The following FRG1 variants were observed in gnomAD, a reference collection of about 807,000 sequenced individuals.
FRG1 encodes the protein protein FRG1.
A neutral mutation model predicts 37.0 loss-of-function variants in FRG1; 19 were observed. The ratio of observed to expected loss-of-function variants is 0.51; its 90% confidence interval spans 0.36 to 0.75. The LOEUF (loss-of-function observed/expected upper bound fraction) is 0.75, where lower values mean the gene tolerates loss of function less well. Among genes scored for constraint, FRG1 ranks in the 30% least tolerant of loss-of-function variants. FRG1 has a pLI of 0.00. For synonymous variants in FRG1, 73 were observed against 96.5 expected (o/e 0.76, Z 1.43); for missense variants, 243 against 301.4 (o/e 0.81, Z 1.44).
intron 5 of FRG1, among the ~76,000 whole-genome samples, chr4:189,955,605 C>T (rs1281845905): frequency 2.0e-5 from 3 of 151,984 alleles, no homozygotes; most frequent in Non-Finnish European, 2.9e-5. Context: ...ACTTTCAGTT[C>T]ATAAGCTTAA....
chr4:189,948,817 A>G (rs79105638), intron 2 of FRG1, among the ~76,000 whole-genome samples: 904 of 109,686 alleles, frequency 8.2e-3, no homozygotes, highest in South Asian at 0.013. Context: ...CCGACTCCCG[A>G]GTAGCTGGGA....
chr4:189,952,961 C>G (rs1338317019), intron 3 of FRG1, 107 bp from the exon 4 acceptor site: 4 of 1,436,740 alleles, frequency 2.8e-6, no homozygotes, highest in African/African-American at 1.4e-5. Context: ...TCTGAATATT[C>G]TTACATTTAA....
chr4:189,942,091 A>G (rs1736334700), intron 1 of FRG1: 2 of 181,914 alleles, frequency 1.1e-5, no homozygotes, highest in Non-Finnish European at 2.4e-5. Context: ...TATAATGAAA[A>G]TGCAGACACG....
intron 2 of FRG1, among the ~76,000 whole-genome samples, chr4:189,951,840 A>G (rs868800255): frequency 2.6e-5 from 4 of 152,214 alleles, no homozygotes; most frequent in Middle Eastern, 3.4e-3. Context: ...GTATGTTGCT[A>G]TTTTATGTTT....
chr4:189,944,379 T>C (rs1277319929), intron 2 of FRG1, among the ~76,000 whole-genome samples: 2 of 152,162 alleles, frequency 1.3e-5, no homozygotes, highest in Non-Finnish European at 2.9e-5. Flanking sequence ...GGTTTCACCA[T>C]GTTAGCCAGG....
Position 189,957,568 on chromosome 4 carries a change from T to C in FRG1, c.537+66T>C, listed in dbSNP as rs1255272772. 28 of 1,356,590 alleles carry C rather than the reference T, an allele frequency of 2.1e-5. 1 individual carries two copies. In the Admixed American group the frequency reaches 5.4e-4, roughly 26 times the overall value. 84.0% of individuals were successfully genotyped at this position (1,356,590 alleles called of 1,614,324 possible). A position where few individuals can be genotyped will look rare whatever the true frequency, so the allele number is the denominator to read the frequency against. ...GCGATGTGACTGTATCTCTTTAAAA[T>C]GTTAAATGGTCATTTACTGTCACTT... On this transcript the variant is annotated intron_variant, in intron 6 of 8. Coordinates refer to ENST00000226798, the MANE Select transcript of FRG1 (RefSeq NM_004477.3).
Position 189,943,244 on chromosome 4 carries a change from A to C in FRG1, c.105A>C (p.Glu35Asp). The C allele has an allele frequency of 6.2e-7, 1 of 1,609,254 alleles. No individual in the cohort carries two copies. Among genetic ancestry groups the C allele is most frequent in the East Asian group, 2.2e-5 (1 of 44,728 alleles). The change falls in exon 2 of 9, where the codon GAA becomes GAC. Residue 35 changes from glutamate (E) to aspartate (D), a missense_variant. Glu to Asp is a conservative substitution (Grantham distance 45). Around this residue, in one of 2 missense-constraint regions of FRG1, gnomAD observed 110 missense variants for 102.2 expected, o/e 1.08. Coordinates refer to ENST00000226798, the MANE Select transcript of FRG1 (RefSeq NM_004477.3). ...KSKDKKRKREEDEETQLDIVG... is the reference protein window; with the variant it reads ...KSKDKKRKREDDEETQLDIVG... Reference sequence around the variant, plus strand: ...AAGATAAGAAAAGAAAAAGAGAAGAAGATGAAGAAACCCAGCTTGATATTG... The same window carrying C: ...AAGATAAGAAAAGAAAAAGAGAAGACGATGAAGAAACCCAGCTTGATATTG...
intron 7 of FRG1, 143 bp from the exon 8 acceptor site, chr4:189,961,679 A>T: frequency 2.0e-6 from 1 of 506,798 alleles, no homozygotes; most frequent in Non-Finnish European, 3.5e-6. Flanking sequence ...AAGTGCTGGG[A>T]TTGCAGGCAT....
Position 189,940,973 on chromosome 4 carries a change from C to T in FRG1, c.-37C>T. 6.3e-7 allele frequency: 1 copy of T among 1,577,642 alleles called. No homozygotes were observed. The highest frequency in any genetic ancestry group is 8.7e-7 in the Non-Finnish European group (1 of 1,149,096). On this transcript the variant is annotated 5_prime_UTR_variant, in exon 1 of 9. Coordinates refer to ENST00000226798, the MANE Select transcript of FRG1 (RefSeq NM_004477.3). ...CCCGACTCACATACTCGTCCAGAAC[C>T]GGCCTCAGCCTCTCCGCGCAGAAGT...
chr4:189,943,125 T>A, intron 1 of FRG1, 77 bp from the exon 2 acceptor site: 1 of 1,432,300 alleles, frequency 7.0e-7, no homozygotes, highest in Non-Finnish European at 9.4e-7. Context: ...CTTAAAAGAC[T>A]TTCAAGTTTC....
chr4:189,960,624 T>C (rs1737189284), intron 6 of FRG1, 124 bp from the exon 7 acceptor site: 3 of 1,059,578 alleles, frequency 2.8e-6, no homozygotes, highest in Non-Finnish European at 4.0e-6. Context: ...TTTCTGAATA[T>C]AGTTGCTCAG....
At chr4:189,952,032 A>G in intron 2 of FRG1, 130 bp from the exon 3 acceptor site, 2 of 619,676 alleles carry the variant, frequency 3.2e-6, no homozygotes, top group South Asian at 2.4e-5. Context: ...AGTAAAGAAT[A>G]TGTGAGATCT....
At position 189,963,097 on chromosome 4, in the gene FRG1, G is replaced by A. The variant is rs376845372; in HGVS notation, c.745G>A (p.Ala249Thr). The A allele has an allele frequency of 3.7e-6, 6 of 1,610,202 alleles. No individual in the cohort carries two copies. The East Asian group carries it at 1.3e-4, about 36-fold the overall frequency. ...FLHETLLDRR[A>T]KLKADRYCK The stretch of plus-strand genomic sequence containing the variant: ...TATTTTTCTTTGTTTAAACAGGAGA[G>A]CCAAATTGAAAGCCGACAGATACTG... Residue 249 changes from alanine (A) to threonine (T), a missense_variant, in exon 9 of 9, where the codon GCC (alanine) becomes ACC (threonine). Coordinates refer to ENST00000226798, the MANE Select transcript of FRG1 (RefSeq NM_004477.3).
At chr4:189,952,988 C>T (rs1274467811) in intron 3 of FRG1, 80 bp from the exon 4 acceptor site, 26 of 1,489,322 alleles carry the variant, frequency 1.7e-5, no homozygotes, top group Admixed American at 5.2e-5. Flanking sequence ...AAGAAAATAG[C>T]CACATTTTTT....
intron 2 of FRG1, among the ~76,000 whole-genome samples, chr4:189,948,511 C>G (rs144433538): frequency 0.025 from 3,760 of 152,250 alleles, 131 homozygotes; most frequent in East Asian, 0.11. Flanking sequence ...ATTTCCAAAT[C>G]TAAGATATAT....
In FRG1 at chr4:189,952,231, C is replaced by A. The variant is rs775299361; in HGVS notation, c.203C>A (p.Thr68Asn). The A allele has an allele frequency of 6.2e-7, 1 of 1,608,776 alleles. No homozygotes were observed. The highest frequency in any genetic ancestry group is 8.5e-7 in the Non-Finnish European group (1 of 1,177,504). The change falls in exon 3 of 9, where the codon ACC becomes AAC. Residue 68 changes from threonine (T) to asparagine (N), a missense_variant. Physicochemically the swap from Thr to Asn is moderately conservative, Grantham distance 65. This residue lies in a region of FRG1 where 110 missense variants were observed against 102.2 expected (regional missense o/e 1.08). Transcript: ENST00000226798. ...ATAGCCATTGAAATGGATAAGGGAA[C>A]CTATATACATGCACTCGACAATGGT... is the stretch of plus-strand genomic sequence containing the variant. ...GTIAIEMDKG[T>N]YIHALDNGLF... is the part of the protein sequence containing the mutation.
chr4:189,961,572 T>G, intron 7 of FRG1: 1 of 259,008 alleles, frequency 3.9e-6, no homozygotes, highest in South Asian at 7.2e-5. Context: ...TATGCTCGGC[T>G]AATTTTTGTA....
intron 1 of FRG1, chr4:189,941,892 G>A (rs1346610983): frequency 2.3e-6 from 1 of 438,480 alleles, no homozygotes; most frequent in Non-Finnish European, 4.6e-6. Context: ...GATAAACAGA[G>A]GTTTTGATAT....
At chr4:189,941,205 G>C in intron 1 of FRG1, 134 bp downstream of exon 1, 1 of 782,472 alleles carries the variant, frequency 1.3e-6, no homozygotes, top group South Asian at 1.7e-5. Context: ...CCCTGTCCGG[G>C]CTGGACGGAG....
Sources: allele counts gnomAD v4.1 joint callset (sites outside exome capture counted in the v4.1 genomes callset), GRCh38; gene constraint gnomAD v4.1.1; regional missense constraint gnomAD v4.1.1; transcripts MANE v1.5; gene names NCBI Gene and HGNC (gene_info 2026-07-23, HGNC 2026-07-21).